The following DNAJC25 variants were observed in gnomAD, a reference collection of about 807,000 sequenced individuals.
The protein encoded by DNAJC25 is DnaJ heat shock protein family (Hsp40) member C25, also known as dnaJ homolog subfamily C member 25.
Under a neutral mutation model 42.1 loss-of-function variants are expected in DNAJC25, and 26 were observed. The observed-to-expected ratio is 0.62, with a 90% CI of 0.45 to 0.86. The LOEUF (loss-of-function observed/expected upper bound fraction) is 0.86. DNAJC25 is among the 40% of genes least tolerant of loss of function. DNAJC25 has a pLI of 0.00. For synonymous variants in DNAJC25, 189 were observed against 179.9 expected (o/e 1.05, Z -0.40); for missense variants, 404 against 459.4 (o/e 0.88, Z 1.10).
At chr9:111,651,942 T>C (rs1325218940) in intron 3 of DNAJC25, among the ~76,000 whole-genome samples, 1 of 152,102 alleles carries the variant, frequency 6.6e-6, no homozygotes, top group Non-Finnish European at 1.5e-5. Context: ...GAAACTTTAA[T>C]TTAAAAAAAT....
chr9:111,653,013 A>G, intron 3 of DNAJC25, 87 bp from the exon 4 acceptor site: 1 of 1,350,896 alleles, frequency 7.4e-7, no homozygotes, highest in Non-Finnish European at 9.6e-7. Flanking sequence ...ACCTAACATT[A>G]TGTTAGAAAA....
chr9:111,648,011 T>G (rs1375349159), intron 2 of DNAJC25, among the ~76,000 whole-genome samples: 1 of 152,182 alleles, frequency 6.6e-6, no homozygotes, highest in Non-Finnish European at 1.5e-5. Flanking sequence ...ACTCCTGACC[T>G]CGTGATCCTC....
At chr9:111,636,717 A>G (rs954229294) in intron 1 of DNAJC25, among the ~76,000 whole-genome samples, 8 of 152,188 alleles carry the variant, frequency 5.3e-5, no homozygotes, top group Non-Finnish European at 7.3e-5. Flanking sequence ...TCATATGCCA[A>G]TCCTGATTGG....
intron 1 of DNAJC25, among the ~76,000 whole-genome samples, chr9:111,642,407 G>C (rs1053166598): frequency 5.1e-5 from 7 of 136,434 alleles, no homozygotes; most frequent in African/African-American, 2.0e-4. Flanking sequence ...GATGCTTGAA[G>C]GCAGCATGCT....
chr9:111,641,389 C>G (rs1219024087), intron 1 of DNAJC25, among the ~76,000 whole-genome samples: 1 of 143,012 alleles, frequency 7.0e-6, no homozygotes, highest in Non-Finnish European at 1.5e-5. Context: ...GCCGCCCTGT[C>G]TGGGAGGGAG....
In DNAJC25 at chr9:111,653,283, A is replaced by G. The variant is rs528495670; in HGVS notation, c.*61A>G. 2.1e-6 allele frequency: 3 copies of G among 1,407,272 alleles called. No individual in the cohort carries two copies. In the African/African-American group the frequency reaches 4.4e-5, roughly 20 times the overall value. The allele number at this position is 1,407,272 out of a possible 1,614,324, so 87.2% of individuals were successfully genotyped here. A position where few individuals can be genotyped will look rare whatever the true frequency, so the allele number is the denominator to read the frequency against. On this transcript the variant is annotated 3_prime_UTR_variant, in exon 4 of 4. Transcript: ENST00000313525. ...GTGATATTATTTTCATAACTGAATT[A>G]TTTTAGAAATGTATCAATTGACTGC... is the stretch of plus-strand genomic sequence containing the variant.
At position 111,642,610 on chromosome 9, in the gene DNAJC25, T is replaced by A. The variant is rs3983414; in HGVS notation, c.337-4497T>A. On this transcript the variant is annotated intron_variant, in intron 1 of 3. Transcript: ENST00000313525. Reference sequence around the variant, plus strand: ...GAAACACCCAAGAATTATCAATAAATAAATAAATAAATAAATAAATAAATA... The same window carrying A: ...GAAACACCCAAGAATTATCAATAAAAAAATAAATAAATAAATAAATAAATA... Among the ~76,000 whole-genome samples the A allele has an allele frequency of 8.4e-3, 526 of 62,862 alleles. 6 individuals are homozygous for A. The highest frequency in any genetic ancestry group is 0.046 in the African/African-American group (164 of 3,558). 41.2% of individuals were successfully genotyped at this position (62,862 alleles called of 152,430 possible).
chr9:111,650,487 A>G (rs1454348591), intron 3 of DNAJC25, among the ~76,000 whole-genome samples: 1 of 152,220 alleles, frequency 6.6e-6, no homozygotes, highest in Non-Finnish European at 1.5e-5. Context: ...TAAATGCTTT[A>G]TGCTACAGTT....
intron 1 of DNAJC25, 199 bp from the exon 2 acceptor site, chr9:111,646,908 T>C: frequency 4.3e-6 from 2 of 466,256 alleles, no homozygotes; most frequent in Non-Finnish European, 7.1e-6. Context: ...TTTGTTATGC[T>C]TTTATATCTA....
At chr9:111,644,972 G>GTTT (rs1360223005) in intron 1 of DNAJC25, among the ~76,000 whole-genome samples, 1 of 152,160 alleles carries the variant, frequency 6.6e-6, no homozygotes, top group Non-Finnish European at 1.5e-5. Context: ...ACTTAAAGAA[G>GTTT]GAGTCACGGA....
rs1830701748 is a variant in DNAJC25, at chr9:111,653,779, TC to T, written c.*558del. ...CAAAATAACCTCTCTAGGAAAGTCT[TC>T]TGCTAGAATTTCTCCCCTCTATTCA... On this transcript the variant is annotated 3_prime_UTR_variant, in exon 4 of 4. Coordinates refer to ENST00000313525, the MANE Select transcript of DNAJC25 (RefSeq NM_001015882.3). 6.6e-6 allele frequency: 1 copy of T among 152,632 alleles called. No homozygotes were observed. Among genetic ancestry groups the T allele is most frequent in the African/African-American group, 2.4e-5 (1 of 41,456 alleles). 9.5% of individuals were successfully genotyped at this position (152,632 alleles called of 1,614,324 possible).
intron 3 of DNAJC25, among the ~76,000 whole-genome samples, chr9:111,651,054 A>G (rs1013925): frequency 0.27 from 41,433 of 151,694 alleles, 6,183 homozygotes; most frequent in East Asian, 0.44. Context: ...ATCACTTGAG[A>G]TCAGGAGTTC....
At chr9:111,646,153 T>A (rs1398430723) in intron 1 of DNAJC25, among the ~76,000 whole-genome samples, 3 of 152,252 alleles carry the variant, frequency 2.0e-5, no homozygotes, top group Non-Finnish European at 4.4e-5. Flanking sequence ...TTATAATAGT[T>A]TTTATCTTTA....
Position 111,631,555 on chromosome 9 carries a change from T to C in DNAJC25, c.148T>C (p.Cys50Arg). ...VEGLYCGTRD[C>R]YEVLGVSRSA... ...GGGGCTCTACTGCGGCACGCGGGACTGCTACGAGGTGCTGGGCGTGAGCCG... is the reference window on the plus strand; with the variant it reads ...GGGGCTCTACTGCGGCACGCGGGACCGCTACGAGGTGCTGGGCGTGAGCCG... Residue 50 changes from cysteine to arginine, a missense_variant, in exon 1 of 4, where the codon TGC (cysteine) becomes CGC (arginine). By Grantham distance (180) the Cys-to-Arg change is radical. Coordinates refer to ENST00000313525, the MANE Select transcript of DNAJC25 (RefSeq NM_001015882.3). 7.1e-7 allele frequency: 1 copy of C among 1,400,794 alleles called. No individual in the cohort carries two copies. The highest frequency in any genetic ancestry group is 3.0e-5 in the East Asian group (1 of 33,250). 86.8% of individuals were successfully genotyped at this position (1,400,794 alleles called of 1,614,324 possible). A position where few individuals can be genotyped will look rare whatever the true frequency, so the allele number is the denominator to read the frequency against.
rs556162998 is a variant in DNAJC25 at position 111,651,479 on chromosome 9, A to G, written c.960+1556A>G. 1.5e-3 allele frequency among the ~76,000 whole-genome samples: 225 copies of G among 152,266 alleles called. 1 individual carries two copies. The highest frequency in any genetic ancestry group is 5.2e-3 in the African/African-American group (216 of 41,542). ...ATATGTTATTGTATGAAGTTGTCTT[A>G]GTCTTTACTTCCTAATATTTGGAAG... On this transcript the variant is annotated intron_variant, in intron 3 of 3. Transcript: ENST00000313525.
At chr9:111,650,187 T>C (rs1436873517) in intron 3 of DNAJC25, among the ~76,000 whole-genome samples, 2 of 152,162 alleles carry the variant, frequency 1.3e-5, no homozygotes, top group African/African-American at 4.8e-5. Flanking sequence ...TTAAACTGCA[T>C]TGGAATGATA....
chr9:111,637,669 C>T (rs997693460), intron 1 of DNAJC25, among the ~76,000 whole-genome samples: 3 of 152,224 alleles, frequency 2.0e-5, no homozygotes, highest in African/African-American at 7.2e-5. Flanking sequence ...TGTGCAGCAG[C>T]ACATGTGTTG....
At chr9:111,652,416 G>A (rs1244267280) in intron 3 of DNAJC25, among the ~76,000 whole-genome samples, 1 of 149,424 alleles carries the variant, frequency 6.7e-6, no homozygotes, top group Admixed American at 6.7e-5. Flanking sequence ...TAGGGAGGCT[G>A]AGGCAGGAGA....
At chr9:111,640,215 C>T (rs1378672246) in intron 1 of DNAJC25, among the ~76,000 whole-genome samples, 4 of 150,700 alleles carry the variant, frequency 2.7e-5, no homozygotes, top group African/African-American at 7.3e-5. Flanking sequence ...GATGGAGTCT[C>T]GTTCACTCAG....
Sources: gnomAD v4.1 joint callset for allele counts (sites outside exome capture counted in the v4.1 genomes callset) on GRCh38, gnomAD v4.1.1 for gene constraint, MANE v1.5 for transcripts, NCBI Gene and HGNC (gene_info 2026-07-23, HGNC 2026-07-21) for gene names.